Variants in PCDH15 observed in about 807,000 individuals in gnomAD.
The protein encoded by PCDH15 is protocadherin related 15.
PCDH15 carries 129 observed loss-of-function variants against 178.5 expected under a neutral mutation model. The observed-to-expected ratio is 0.72, with a 90% CI of 0.63 to 0.84. The LOEUF is 0.84. Ranked by LOEUF, PCDH15 falls within the 40% of genes least tolerant of loss-of-function variation. PCDH15 has a pLI of 0.00. For missense variants in PCDH15, 2,230 were observed against 2,099.9 expected, an observed-to-expected ratio of 1.06 and a Z score of -1.21; for synonymous variants, 800 against 732.0, an observed-to-expected ratio of 1.09 and a Z score of -1.50.
At chr10:54,911,058 A>T (rs144681661) in intron 2 of PCDH15, among the ~76,000 whole-genome samples, 1 of 152,254 alleles carries the variant, frequency 6.6e-6, no homozygotes, top group African/African-American at 2.4e-5. Flanking sequence ...TAGTTTCATA[A>T]TCTGGAAAGG....
chr10:54,235,505 T>C (rs539596806), intron 9 of PCDH15, among the ~76,000 whole-genome samples: 30 of 152,204 alleles, frequency 2.0e-4, no homozygotes, highest in Non-Finnish European at 3.8e-4. Flanking sequence ...TCTATATAGA[T>C]AATTGTCTCT....
At chr10:55,188,970 AAG>A (rs560355174) in intron 1 of PCDH15, among the ~76,000 whole-genome samples, 15 of 152,054 alleles carry the variant, frequency 9.9e-5, no homozygotes, top group South Asian at 2.1e-4. Context: ...AAAAATAAAA[AAG>A]AGAAAAATAA....
intron 13 of PCDH15, among the ~76,000 whole-genome samples, chr10:54,174,706 T>TC (rs2047263067): frequency 2.3e-5 from 3 of 130,032 alleles, no homozygotes; most frequent in Admixed American, 7.6e-5. Flanking sequence ...TCTTTTCTTT[T>TC]TTTTTTTTTT....
chr10:55,319,423 AATAG>A (rs1176726412), intron 1 of PCDH15, among the ~76,000 whole-genome samples: 3 of 152,208 alleles, frequency 2.0e-5, no homozygotes, highest in South Asian at 2.1e-4. Flanking sequence ...AAATTTTAAA[AATAG>A]ATAGGGCTAA....
chr10:54,565,836 G>T (rs2088945135), intron 2 of PCDH15, among the ~76,000 whole-genome samples: 1 of 152,162 alleles, frequency 6.6e-6, no homozygotes. Flanking sequence ...TGTAATCCCA[G>T]CACTTTGGGA....
chr10:54,459,805 T>C lies in PCDH15; in HGVS notation c.157+68007A>G, dbSNP rs148056095. On this transcript the variant is annotated intron_variant, in intron 3 of 37. Transcript: ENST00000644397. ...AAGTCACACAAGTTTAAAGCAGATA[T>C]AGGAATAAACTCCTATTTCACTGGT... Among the ~76,000 whole-genome samples, 638 of 152,246 alleles carry C rather than the reference T, an allele frequency of 4.2e-3. 3 individuals are homozygous for C. Among genetic ancestry groups the C allele is most frequent in the African/African-American group, 0.015 (614 of 41,568 alleles).
At chr10:55,040,762 A>C (rs1309109372) in intron 2 of PCDH15, among the ~76,000 whole-genome samples, 1 of 152,112 alleles carries the variant, frequency 6.6e-6, no homozygotes, top group Non-Finnish European at 1.5e-5. Context: ...ATATCAATAT[A>C]TAATAGTTTT....
intron 2 of PCDH15, among the ~76,000 whole-genome samples, chr10:55,594,295 T>G (rs1301422507): frequency 6.6e-6 from 1 of 151,842 alleles, no homozygotes; most frequent in Non-Finnish European, 1.5e-5. Context: ...GTAGACAGAG[T>G]GATAATAATT....
chr10:55,494,644 C>T (rs1386870919), intron 2 of PCDH15, among the ~76,000 whole-genome samples: 1 of 151,610 alleles, frequency 6.6e-6, no homozygotes, highest in Non-Finnish European at 1.5e-5. Flanking sequence ...CAACATGCAT[C>T]CCATCAGGAT....
At chr10:55,592,778 CTG>C (rs1477415076) in intron 2 of PCDH15, among the ~76,000 whole-genome samples, 1 of 152,080 alleles carries the variant, frequency 6.6e-6, no homozygotes, top group African/African-American at 2.4e-5. Context: ...CTACGTCAAA[CTG>C]TTATTTAATT....
At chr10:55,619,597 G>T (rs1056911332) in intron 2 of PCDH15, among the ~76,000 whole-genome samples, 2 of 151,914 alleles carry the variant, frequency 1.3e-5, no homozygotes, top group African/African-American at 4.8e-5. Context: ...AAAGTTACGA[G>T]AATCAAATTA....
chr10:55,315,961 A>G lies in PCDH15; in HGVS notation c.-156+3638T>C, dbSNP rs1229691700. Among the ~76,000 whole-genome samples, 7 of 152,358 alleles carry G rather than the reference A, an allele frequency of 4.6e-5. No individual in the cohort carries two copies. In the East Asian group the frequency reaches 1.3e-3, roughly 29 times the overall value. ...AACCTGGGAGGCAGAGGTTGCAGTG[A>G]GCCTAGACTGCACCATTGCATTCCA... On this transcript the variant is annotated intron_variant, in intron 1 of 5. Transcript: ENST00000458638.
At chr10:54,427,527 C>A (rs1956437935) in intron 3 of PCDH15, among the ~76,000 whole-genome samples, 1 of 151,984 alleles carries the variant, frequency 6.6e-6, no homozygotes, top group South Asian at 2.1e-4. Context: ...ATCCGCCCAC[C>A]TCAGCCTCCC....
intron 2 of PCDH15, among the ~76,000 whole-genome samples, chr10:54,658,097 T>A (rs2135344177): frequency 6.6e-6 from 1 of 151,954 alleles, no homozygotes; most frequent in South Asian, 2.1e-4. Context: ...AAAGAAAAAA[T>A]AATTTTTAAA....
intron 13 of PCDH15, 61 bp downstream of exon 13, chr10:54,183,383 T>A (rs2048184510): frequency 7.0e-7 from 1 of 1,430,592 alleles, no homozygotes; most frequent in East Asian, 2.3e-5. Flanking sequence ...CATGAGCATA[T>A]CGTATAATGC....
chr10:54,799,982 C>A (rs1407699494), intron 1 of PCDH15, among the ~76,000 whole-genome samples: 2 of 152,052 alleles, frequency 1.3e-5, no homozygotes, highest in East Asian at 3.9e-4. Flanking sequence ...TAATGTTAAG[C>A]AACATAATAA....
At chr10:53,874,741 T>TAA (rs60047039) in intron 26 of PCDH15, among the ~76,000 whole-genome samples, 4 of 151,718 alleles carry the variant, frequency 2.6e-5, no homozygotes, top group East Asian at 3.9e-4. Flanking sequence ...TCCGTTGAGA[T>TAA]AAAAAAATCA....
At position 53,805,252 on chromosome 10, in the gene PCDH15, C is replaced by G. The variant is rs1162381848; in HGVS notation, c.*1327G>C. 2 of 152,000 alleles carry G rather than the reference C, an allele frequency of 1.3e-5. No homozygotes were observed. Among genetic ancestry groups the G allele is most frequent in the African/African-American group, 4.8e-5 (2 of 41,402 alleles). The allele number at this position is 152,000 out of a possible 1,614,324, so 9.4% of individuals were successfully genotyped here. On this transcript the variant is annotated 3_prime_UTR_variant, in exon 38 of 38. Transcript: ENST00000644397. Reference sequence around the variant, plus strand: ...CATTAAAACCTGAACTTGGTCAATACTGTGCAAAATTTGAAGTGAGCTACA... The same window carrying G: ...CATTAAAACCTGAACTTGGTCAATAGTGTGCAAAATTTGAAGTGAGCTACA...
intron 3 of PCDH15, among the ~76,000 whole-genome samples, chr10:54,457,801 T>A (rs1217464052): frequency 6.6e-6 from 1 of 152,138 alleles, no homozygotes; most frequent in Non-Finnish European, 1.5e-5. Flanking sequence ...GGGAAAAATA[T>A]AATCCAAAAG....
Sources: allele counts gnomAD v4.1 joint callset (sites outside exome capture counted in the v4.1 genomes callset), GRCh38; gene constraint gnomAD v4.1.1; transcripts MANE v1.5; gene names NCBI Gene and HGNC (gene_info 2026-07-23, HGNC 2026-07-21).